Variants in MRPL46 observed in about 807,000 individuals in gnomAD.
The protein encoded by MRPL46 is large ribosomal subunit protein mL46.
In MRPL46, 26 loss-of-function variants were observed where a neutral mutation model predicts 31.0. The observed-to-expected ratio is 0.84, with a 90% CI of 0.61 to 1.16. The LOEUF (loss-of-function observed/expected upper bound fraction) is 1.16, where lower values mean the gene tolerates loss of function less well. MRPL46 is among the 50% of genes most tolerant of loss of function. The pLI is 0.00. For missense variants in MRPL46, 395 were observed against 340.0 expected (o/e 1.16, Z -1.27); for synonymous variants, 159 against 141.3 (o/e 1.13, Z -0.89).
At chr15:88,459,927 G>A in intron 3 of MRPL46, 64 bp from the exon 4 acceptor site, 1 of 1,586,090 alleles carries the variant, frequency 6.3e-7, no homozygotes, top group Non-Finnish European at 8.6e-7. Flanking sequence ...GTTTACTCTG[G>A]CTCCCAAAAT....
chr15:88,467,335 C>A lies in MRPL46; in HGVS notation c.43G>T (p.Gly15Cys). The A allele has an allele frequency of 6.2e-7, 1 of 1,602,492 alleles. No individual in the cohort carries two copies. The highest frequency in any genetic ancestry group is 8.5e-7 in the Non-Finnish European group (1 of 1,174,570). The change falls in exon 1 of 4, where the codon GGT (glycine) becomes TGT (cysteine). Residue 15 changes from glycine to cysteine, a missense_variant. Transcript: ENST00000312475. ...CAGAGCCTCTCGAACCGCCGCCAACCCCCCGCCACCCCTAACAGCGTCCGC... is the reference window on the plus strand; with the variant it reads ...CAGAGCCTCTCGAACCGCCGCCAACACCCCGCCACCCCTAACAGCGTCCGC... ...VRRTLLGVAG[G>C]WRRFERLWAG... is the part of the protein sequence containing the mutation.
chr15:88,465,863 C>T lies in MRPL46; in HGVS notation c.229-90G>A, dbSNP rs772432848. 362 of 1,242,162 alleles carry T rather than the reference C, an allele frequency of 2.9e-4. 1 individual carries two copies. The highest frequency in any genetic ancestry group is 9.8e-5 in the Non-Finnish European group (90 of 920,512). The allele number at this position is 1,242,162 out of a possible 1,614,324, so 76.9% of individuals were successfully genotyped here. On this transcript the variant is annotated intron_variant, in intron 1 of 3. Transcript: ENST00000312475. ...GGAAGAATAAAACAGAGACATGGCA[C>T]ACTTGGCAAGCTCAGAAGTTTATCA...
intron 3 of MRPL46, chr15:88,460,404 C>T (rs1373093393): frequency 1.3e-5 from 2 of 155,390 alleles, no homozygotes; most frequent in South Asian, 2.0e-4. Context: ...TAAAAAGGAC[C>T]CCAGTTTTAA....
At chr15:88,461,407 G>T (rs1298176750) in intron 3 of MRPL46, 1 of 150,750 alleles carries the variant, frequency 6.6e-6, no homozygotes, top group Non-Finnish European at 1.5e-5. Context: ...AAATCAATGA[G>T]GAAAAAAAAC....
intron 3 of MRPL46, 81 bp from the exon 4 acceptor site, chr15:88,459,944 G>T: frequency 6.5e-7 from 1 of 1,545,184 alleles, no homozygotes. Context: ...AAATTATAGG[G>T]GGTCCCTGCA....
At chr15:88,461,013 A>AT (rs1024194358) in intron 3 of MRPL46, 1 of 152,208 alleles carries the variant, frequency 6.6e-6, no homozygotes, top group African/African-American at 2.4e-5. Flanking sequence ...AGTGCAGGGC[A>AT]TATTTTCTAA....
At position 88,463,931 on chromosome 15, in the gene MRPL46, C is replaced by T. The variant is rs2055498761; in HGVS notation, c.589+772G>A. The T allele has an allele frequency of 6.6e-6, 1 of 152,180 alleles. No individual in the cohort carries two copies. The allele number at this position is 152,180 out of a possible 1,614,324, so 9.4% of individuals were successfully genotyped here. Reference sequence around the variant, plus strand: ...GAGAAGTGACAAGGGATGTGTGTTTCAGAAAGCTCATTTTGGCAGCACTGA... The same window carrying T: ...GAGAAGTGACAAGGGATGTGTGTTTTAGAAAGCTCATTTTGGCAGCACTGA... On this transcript the variant is annotated intron_variant, in intron 3 of 3. Transcript: ENST00000312475. This position sits in a 1 kb window ranked among gnomAD's most constrained non-coding sequence, Gnocchi z 5.4.
chr15:88,465,487 G>A, intron 2 of MRPL46, 100 bp downstream of exon 2: 3 of 1,210,642 alleles, frequency 2.5e-6, no homozygotes, highest in Non-Finnish European at 3.4e-6. Context: ...GAAATTATTT[G>A]TTACTTAAAA....
At chr15:88,465,951 T>C (rs1392694593) in intron 1 of MRPL46, among the ~76,000 whole-genome samples, 178 bp from the exon 2 acceptor site, 1 of 151,552 alleles carries the variant, frequency 6.6e-6, no homozygotes, top group African/African-American at 2.4e-5. Context: ...GAAAAAAAGG[T>C]CCTCTGAACT....
rs2055553402 is a variant in MRPL46, at chr15:88,467,275, C to T, written c.103G>A (p.Ala35Thr). ...GATCCGTTGCTTGAGGGTGCGGCTG[C>T]AAGAGCCAGGCTGCGAGAGCTTAGA... Reference protein sequence around the residue: ...GSLSSRSLALAAAPSSNGSPW... With the variant: ...GSLSSRSLALTAAPSSNGSPW... Residue 35 changes from alanine to threonine, a missense_variant, in exon 1 of 4, where the codon GCA (alanine) becomes ACA (threonine). Ala to Thr is a moderately conservative substitution (Grantham distance 58). Coordinates refer to ENST00000312475, the MANE Select transcript of MRPL46 (RefSeq NM_022163.4). The T allele has an allele frequency of 6.2e-7, 1 of 1,613,670 alleles. No homozygotes were observed.
rs771674829 is a variant in MRPL46, at chr15:88,467,338, C to G, written c.40G>C (p.Gly14Arg). ...PVRRTLLGVA[G>R]GWRRFERLWA... ...AGCCTCTCGAACCGCCGCCAACCCC[C>G]CGCCACCCCTAACAGCGTCCGCCTT... The change falls in exon 1 of 4, where the codon GGG (glycine) becomes CGG (arginine). Residue 14 changes from glycine (G) to arginine (R), a missense_variant. By Grantham distance (125) the Gly-to-Arg change is moderately radical. Transcript: ENST00000312475. 24 of 1,602,612 alleles carry G rather than the reference C, an allele frequency of 1.5e-5. No individual in the cohort carries two copies. The highest frequency in any genetic ancestry group is 1.6e-5 in the Non-Finnish European group (19 of 1,174,636).
In MRPL46 at chr15:88,465,717, G is replaced by A; in HGVS notation, c.285C>T (p.Asn95=). ...CAGCTTTCTTCTTTGCCAGTCGCTG[G>A]TTTTCATCCAGAGCACGAAGCTCGT... ...SDHELRALDE[N]QRLAKKKADL... Residue 95 remains asparagine, a synonymous_variant, in exon 2 of 4, where the codon AAC becomes AAT. Coordinates refer to ENST00000312475, the MANE Select transcript of MRPL46 (RefSeq NM_022163.4). 2 of 1,613,624 alleles carry A rather than the reference G, an allele frequency of 1.2e-6. No homozygotes were observed. Among genetic ancestry groups the A allele is most frequent in the Non-Finnish European group, 1.7e-6 (2 of 1,179,922 alleles).
chr15:88,465,399 C>T, intron 2 of MRPL46, 188 bp downstream of exon 2: 1 of 569,078 alleles, frequency 1.8e-6, no homozygotes, highest in Non-Finnish European at 2.9e-6. Flanking sequence ...TATTCCAATA[C>T]CCTTACCTCT....
Position 88,463,006 on chromosome 15 carries a change from G to C in MRPL46, c.589+1697C>G, listed in dbSNP as rs1342752797. The C allele has an allele frequency of 6.6e-6, 1 of 152,216 alleles. No individual in the cohort carries two copies. The highest frequency in any genetic ancestry group is 6.5e-5 in the Admixed American group (1 of 15,280). 9.4% of individuals were successfully genotyped at this position (152,216 alleles called of 1,614,324 possible). A position where few individuals can be genotyped will look rare whatever the true frequency, so the allele number is the denominator to read the frequency against. ...CCCCTTTCCTCACTGCAAACAGAAA[G>C]GGGAGCTGAGCAAGGATCAGTTGTG... On this transcript the variant is annotated intron_variant, in intron 3 of 3. Transcript: ENST00000312475. The surrounding 1 kb of genome is among the most constrained non-coding windows in gnomAD (Gnocchi z 5.4).
rs751400732 is a variant in MRPL46, at chr15:88,465,586, C to T, written c.415+1G>A. 2 of 1,594,288 alleles carry T rather than the reference C, an allele frequency of 1.3e-6. No homozygotes were observed. The highest frequency in any genetic ancestry group is 1.7e-6 in the Non-Finnish European group (2 of 1,172,348). ...TCTGGCTGGCCTAAAAGGATCACAA[C>T]CTGTTATGCGAGCTCCAAGTTTGAA... On this transcript the variant is annotated splice_donor_variant, in intron 2 of 3. Transcript: ENST00000312475. LOFTEE classifies it high-confidence loss of function.
chr15:88,462,816 A>C (rs2142196542), intron 3 of MRPL46: 1 of 152,308 alleles, frequency 6.6e-6, no homozygotes, highest in South Asian at 2.1e-4. Context: ...TTTCTTTGCC[A>C]TTTTATATTA....
In MRPL46 at chr15:88,467,142, A is replaced by C. The variant is rs765714132; in HGVS notation, c.228+8T>G. 3 of 1,612,590 alleles carry C rather than the reference A, an allele frequency of 1.9e-6. No individual in the cohort carries two copies. The highest frequency in any genetic ancestry group is 2.5e-6 in the Non-Finnish European group (3 of 1,178,724). The stretch of plus-strand genomic sequence containing the variant: ...AACGTCACTCTGAACCCTGCATCTC[A>C]GTCCCACCTGCTGCAGTAGAGACGC... On this transcript the variant is annotated splice_region_variant and intron_variant, in intron 1 of 3. Coordinates refer to ENST00000312475, the MANE Select transcript of MRPL46 (RefSeq NM_022163.4).
At chr15:88,466,603 G>C (rs1024814309) in intron 1 of MRPL46, among the ~76,000 whole-genome samples, 1 of 152,242 alleles carries the variant, frequency 6.6e-6, no homozygotes, top group African/African-American at 2.4e-5. Flanking sequence ...CAGAAGAGAA[G>C]TTTATAGTTC....
intron 3 of MRPL46, 102 bp from the exon 4 acceptor site, chr15:88,459,965 C>T: frequency 6.9e-7 from 1 of 1,446,488 alleles, no homozygotes; most frequent in Non-Finnish European, 9.4e-7. Flanking sequence ...AGATCTGGCC[C>T]TGAGGTAAAA....
Sources: gnomAD v4.1 joint callset for allele counts (sites outside exome capture counted in the v4.1 genomes callset) on GRCh38, gnomAD v4.1.1 for gene constraint, Gnocchi (gnomAD v3.1) non-coding constraint, MANE v1.5 for transcripts, NCBI Gene and HGNC (gene_info 2026-07-23, HGNC 2026-07-21) for gene names.